The following CFAP46 variants were observed in gnomAD, a reference collection of about 807,000 sequenced individuals.
The protein encoded by CFAP46 is cilia- and flagella-associated protein 46.
In CFAP46, 245 loss-of-function variants were observed where a neutral mutation model predicts 325.7. The ratio of observed to expected loss-of-function variants is 0.75; its 90% CI spans 0.68 to 0.84. The LOEUF is 0.84. CFAP46 is among the 40% of genes least tolerant of loss of function. CFAP46 has a pLI of 0.00. For missense variants in CFAP46, 3,346 were observed against 3,543.0 expected, an observed-to-expected ratio of 0.94 and a Z score of 1.41; for synonymous variants, 1,523 against 1,495.9, an observed-to-expected ratio of 1.02 and a Z score of -0.42.
chr10:132,857,537 T>C, intron 39 of CFAP46, 53 bp downstream of exon 39: 1 of 1,566,124 alleles, frequency 6.4e-7, no homozygotes, highest in East Asian at 2.2e-5. Context: ...CAGTGGGGTT[T>C]ATATCCCGGT....
intron 22 of CFAP46, among the ~76,000 whole-genome samples, chr10:132,906,018 C>A (rs1849451216): frequency 6.6e-6 from 1 of 152,220 alleles, no homozygotes; most frequent in Non-Finnish European, 1.5e-5. Flanking sequence ...AGAGGGATGC[C>A]AAAGAGGGGG....
rs575827463 is a variant in CFAP46 at position 132,859,151 on chromosome 10, C to T, written c.5295G>A (p.Leu1765=). ...AGTCGATAAACTTTCTCTCAATTTCCAACAGGCCATCATCCATCTCTTTCA... is the reference window on the plus strand; with the variant it reads ...AGTCGATAAACTTTCTCTCAATTTCTAACAGGCCATCATCCATCTCTTTCA... ...LLLKEMDDGL[L]EIERKFIDCG... The change falls in exon 38 of 58, where the codon TTG becomes TTA. Residue 1765 remains leucine (L), a synonymous_variant. Transcript: ENST00000368586. 68 of 1,550,940 alleles carry T rather than the reference C, an allele frequency of 4.4e-5. No homozygotes were observed. In the African/African-American group the frequency reaches 8.1e-4, roughly 18 times the overall value.
At chr10:132,836,751 G>C (rs1848255189) in intron 45 of CFAP46, 66 bp downstream of exon 45, 40 of 1,372,910 alleles carry the variant, frequency 2.9e-5, no homozygotes, top group Middle Eastern at 2.1e-4. Flanking sequence ...CCCACGGCTG[G>C]GTCTCTGCCT....
chr10:132,843,019 C>T (rs1270940808), intron 44 of CFAP46, among the ~76,000 whole-genome samples: 2 of 152,222 alleles, frequency 1.3e-5, no homozygotes, highest in African/African-American at 2.4e-5. Flanking sequence ...GGGAGACAAA[C>T]GTTCAAATCA....
intron 50 of CFAP46, among the ~76,000 whole-genome samples, chr10:132,823,010 CTG>C (rs1191506110): frequency 3.9e-5 from 4 of 102,316 alleles, no homozygotes; most frequent in African/African-American, 4.2e-5. Context: ...CTGATGTGTG[CTG>C]TGTGTGCTGT....
At chr10:132,836,054 C>A in intron 46 of CFAP46, 88 bp downstream of exon 46, 1 of 708,712 alleles carries the variant, frequency 1.4e-6, no homozygotes, top group South Asian at 2.4e-5. Context: ...TCACCTCCCC[C>A]TCCCGACACA....
chr10:132,888,377 A>C (rs1591074378), intron 25 of CFAP46, among the ~76,000 whole-genome samples: 2 of 44,882 alleles, frequency 4.5e-5, no homozygotes, highest in Admixed American at 3.1e-4. Flanking sequence ...TGCCACCTTC[A>C]CCCCTGCCGC....
Position 132,912,292 on chromosome 10 carries a change from CTCTCTCCTCT to C in CFAP46, c.2499+353_2499+362del, listed in dbSNP as rs1400362392. On this transcript the variant is annotated intron_variant, in intron 19 of 57. Coordinates refer to ENST00000368586, the MANE Select transcript of CFAP46 (RefSeq NM_001200049.3). Reference sequence around the variant, plus strand: ...TCTCTCTTCTCCTCTCTCCTCCTCTCTCTCTCCTCTCTTTCTCCTGTCTCTTCTCCTCTCT... The same window carrying C: ...TCTCTCTTCTCCTCTCTCCTCCTCTCCTTTCTCCTGTCTCTTCTCCTCTCT... Among the ~76,000 whole-genome samples the C allele has an allele frequency of 1.5e-3, 103 of 69,518 alleles. 3 individuals carry two copies. The highest frequency in any genetic ancestry group is 5.7e-3 in the African/African-American group (76 of 13,316). The allele number at this position is 69,518 out of a possible 152,430, so 45.6% of individuals were successfully genotyped here.
chr10:132,911,121 G>A (rs182629394), intron 19 of CFAP46, among the ~76,000 whole-genome samples: 350 of 152,304 alleles, frequency 2.3e-3, no homozygotes, highest in African/African-American at 7.5e-3. Context: ...TGCCTGAGCC[G>A]CCCACGGCGC....
At position 132,828,731 on chromosome 10, in the gene CFAP46, G is replaced by A. The variant is rs575995538; in HGVS notation, c.7117+4627C>T. 6.6e-4 allele frequency among the ~76,000 whole-genome samples: 101 copies of A among 152,212 alleles called. 1 individual carries two copies. Among genetic ancestry groups the A allele is most frequent in the African/African-American group, 2.2e-3 (93 of 41,514 alleles). ...TAGAAATGTGAGGGTCTTTGGTCTC[G>A]GATCCATTTCGAGCTGATTTTCCTG... On this transcript the variant is annotated intron_variant, in intron 50 of 57. Transcript: ENST00000368586. This position sits in a 1 kb window ranked among gnomAD's most constrained non-coding sequence, Gnocchi z 4.9.
rs1848865987 is a variant in CFAP46, at chr10:132,869,453, GAA to G, written c.4512-83_4512-82del. Reference sequence around the variant, plus strand: ...AACGAAGCTACTAGTGTGCTTCACAGAAAACGGTCAACTAACACATCGAGGCA... The same window carrying G: ...AACGAAGCTACTAGTGTGCTTCACAGAACGGTCAACTAACACATCGAGGCA... On this transcript the variant is annotated intron_variant, in intron 32 of 57. Transcript: ENST00000368586. The surrounding 1 kb of genome is among the most constrained non-coding windows in gnomAD (Gnocchi z 6.2). 1 of 1,027,850 alleles carries G rather than the reference GAA, an allele frequency of 9.7e-7. No homozygotes were observed. Among genetic ancestry groups the G allele is most frequent in the Non-Finnish European group, 1.3e-6 (1 of 741,366 alleles). 63.7% of individuals were successfully genotyped at this position (1,027,850 alleles called of 1,614,324 possible). A position where few individuals can be genotyped will look rare whatever the true frequency, so the allele number is the denominator to read the frequency against.
chr10:132,902,200 C>T (rs1187569088), intron 22 of CFAP46, among the ~76,000 whole-genome samples: 1 of 151,604 alleles, frequency 6.6e-6, no homozygotes, highest in African/African-American at 2.4e-5. Context: ...TTGGCCTCCC[C>T]CTGCTGCCTC....
chr10:132,940,008 G>C (rs1013721358), intron 4 of CFAP46, among the ~76,000 whole-genome samples: 1 of 152,148 alleles, frequency 6.6e-6, no homozygotes, highest in Non-Finnish European at 1.5e-5. Context: ...GAGGGCCCTG[G>C]AGCAGAGCAG....
At chr10:132,836,723 G>C in intron 45 of CFAP46, 94 bp downstream of exon 45, 1 of 1,040,344 alleles carries the variant, frequency 9.6e-7, no homozygotes, top group East Asian at 2.4e-5. Context: ...CCCTGGGGTG[G>C]GGCTGAGGTG....
chr10:132,860,704 C>A, intron 36 of CFAP46, 78 bp downstream of exon 36: 2 of 1,455,520 alleles, frequency 1.4e-6, no homozygotes, highest in South Asian at 2.5e-5. Context: ...CCAGGCAGAG[C>A]CCCATGGACG....
chr10:132,916,459 G>A (rs1342305541), intron 17 of CFAP46, 90 bp downstream of exon 17: 1 of 1,378,518 alleles, frequency 7.3e-7, no homozygotes. Context: ...CGAATGCAAA[G>A]GGTGTCCCTC....
chr10:132,860,270 G>A (rs1297125653), intron 37 of CFAP46, 147 bp downstream of exon 37: 2 of 615,394 alleles, frequency 3.2e-6, no homozygotes, highest in Middle Eastern at 2.6e-4. Context: ...GAGCTTTCTG[G>A]AGCTGCACGG....
At chr10:132,937,087 G>T in intron 6 of CFAP46, 32 bp from the exon 7 acceptor site, 3 of 1,318,964 alleles carry the variant, frequency 2.3e-6, no homozygotes, top group Non-Finnish European at 2.1e-6. Flanking sequence ...TATTAATCTG[G>T]ATTCAAACAA....
At chr10:132,872,446 A>T (rs1240059300) in intron 32 of CFAP46, 3 of 522,228 alleles carry the variant, frequency 5.7e-6, no homozygotes, top group Non-Finnish European at 1.0e-5. Context: ...TTTTGTAGAG[A>T]TGGGGTCTTG....
Sources: gnomAD v4.1 joint callset for allele counts (sites outside exome capture counted in the v4.1 genomes callset) on GRCh38, gnomAD v4.1.1 for gene constraint, Gnocchi (gnomAD v3.1) non-coding constraint, MANE v1.5 for transcripts, NCBI Gene and HGNC (gene_info 2026-07-23, HGNC 2026-07-21) for gene names.